Variants in ZBED6 observed in about 807,000 individuals in gnomAD.
ZBED6 encodes zinc finger BED-type containing 6.
Under a neutral mutation model 58.4 loss-of-function variants are expected in ZBED6, and 40 were observed. The ratio of observed to expected loss-of-function variants is 0.68; its 90% CI spans 0.53 to 0.89. The LOEUF (loss-of-function observed/expected upper bound fraction) is 0.89. Among genes scored for constraint, ZBED6 ranks in the 40% least tolerant of loss-of-function variants. The pLI, the probability that ZBED6 is intolerant of heterozygous loss-of-function variation, is 0.00. For missense variants in ZBED6, 1,057 were observed against 1,003.9 expected (o/e 1.05, Z -0.71); for synonymous variants, 439 against 350.6 (o/e 1.25, Z -2.82).
chr1:203,821,430 T>G (rs1217039300), intron 3 of ZBED6, among the ~76,000 whole-genome samples: 1 of 152,204 alleles, frequency 6.6e-6, no homozygotes, highest in East Asian at 1.9e-4. Flanking sequence ...CTATCATTAC[T>G]TTTATGCTCC....
intron 1 of ZBED6, among the ~76,000 whole-genome samples, chr1:203,807,285 A>T (rs1294726738): frequency 1.3e-5 from 2 of 152,132 alleles, no homozygotes; most frequent in East Asian, 1.9e-4. Flanking sequence ...CATTTTTAAA[A>T]TTTTTATTTA....
At chr1:203,812,039 A>G (rs1261654690) in intron 1 of ZBED6, among the ~76,000 whole-genome samples, 1 of 151,974 alleles carries the variant, frequency 6.6e-6, no homozygotes. Context: ...CTGGTCTTGA[A>G]CTACTGACCT....
rs61108073 is a variant in ZBED6 at position 203,825,076 on chromosome 1, C to CAAA, written c.*2874-3206_*2874-3204dup. The stretch of plus-strand genomic sequence containing the variant: ...TGGGCAACAGAGCGAGACTCCGTCT[C>CAAA]AAAAAAAAAAAAAAAAAAAGAAAAT... On this transcript the variant is annotated intron_variant, in intron 3 of 16. Transcript: ENST00000550078. Among the ~76,000 whole-genome samples the CAAA allele has an allele frequency of 3.1e-4, 34 of 108,788 alleles. No homozygotes were observed. The South Asian group carries it at 4.8e-3, about 15-fold the overall frequency. The allele number at this position is 108,788 out of a possible 152,430, so 71.4% of individuals were successfully genotyped here.
intron 3 of ZBED6, among the ~76,000 whole-genome samples, chr1:203,826,026 G>T: frequency 6.6e-6 from 1 of 152,134 alleles, no homozygotes; most frequent in Admixed American, 6.5e-5. Flanking sequence ...TTTGAAAATT[G>T]CTTCCAGGAA....
chr1:203,805,414 A>G (rs2102507137), intron 1 of ZBED6, among the ~76,000 whole-genome samples: 1 of 152,260 alleles, frequency 6.6e-6, no homozygotes, highest in African/African-American at 2.4e-5. Context: ...TACAGGTGTG[A>G]GCCACCGCGC....
intron 8 of ZBED6, 102 bp from the exon 9 acceptor site, chr1:203,833,689 G>A: frequency 1.3e-6 from 1 of 798,456 alleles, no homozygotes; most frequent in Non-Finnish European, 1.8e-6. Flanking sequence ...GACTTTCTGG[G>A]TGGATTTACA....
At chr1:203,846,160 T>TTGG (rs1553270782) in intron 11 of ZBED6, among the ~76,000 whole-genome samples, 182 of 132,044 alleles carry the variant, frequency 1.4e-3, no homozygotes, top group African/African-American at 4.8e-3. Flanking sequence ...ATAATTTTTT[T>TTGG]GGGGGGGGGG....
At chr1:203,806,406 A>G (rs1571949547) in intron 1 of ZBED6, 1 of 183,132 alleles carries the variant, frequency 5.5e-6, no homozygotes, top group Non-Finnish European at 1.1e-5. Flanking sequence ...GGTTCAAGCG[A>G]TTCTCCTGCC....
chr1:203,829,748 A>G (rs1476885722), intron 5 of ZBED6, 32 bp from the exon 6 acceptor site: 1 of 1,612,842 alleles, frequency 6.2e-7, no homozygotes, highest in Admixed American at 1.7e-5. Flanking sequence ...CGTATTTTTA[A>G]TTGTGAATTT....
chr1:203,797,978 C>T (rs943598896), exon 1 of ZBED6: 1 of 1,534,982 alleles, frequency 6.5e-7, no homozygotes, highest in African/African-American at 1.4e-5. Flanking sequence ...CCATTTGTAA[C>T]CTCTGTGAGA....
chr1:203,831,900 A>G (rs2103044772), intron 8 of ZBED6, 129 bp downstream of exon 8: 1 of 698,726 alleles, frequency 1.4e-6, no homozygotes, highest in East Asian at 2.7e-5. Flanking sequence ...GAGATAATCT[A>G]AAGATGAAAA....
At chr1:203,809,172 G>GTTTTTTT (rs33926996) in intron 1 of ZBED6, among the ~76,000 whole-genome samples, 33 of 83,254 alleles carry the variant, frequency 4.0e-4, no homozygotes, top group East Asian at 1.6e-3. Context: ...TCTTCTCACT[G>GTTTTTTT]TTTTTTTTTT....
intron 1 of ZBED6, among the ~76,000 whole-genome samples, chr1:203,815,219 T>TTCTTTTC (rs575430164): frequency 0.099 from 12,872 of 129,542 alleles, 970 homozygotes; most frequent in Non-Finnish European, 0.15. Context: ...TTCTTTTCTT[T>TTCTTTTC]TTTTTTTTTT....
At chr1:203,797,875 A>G in exon 1 of ZBED6, 2 of 1,536,138 alleles carry the variant, frequency 1.3e-6, no homozygotes, top group Non-Finnish European at 1.7e-6. Flanking sequence ...TTTGAGAGCA[A>G]TATAGAAAAA....
intron 11 of ZBED6, among the ~76,000 whole-genome samples, chr1:203,841,214 G>T (rs988703859): frequency 9.3e-5 from 14 of 150,922 alleles, no homozygotes; most frequent in African/African-American, 2.9e-4. Context: ...AGGGGGATTG[G>T]CAGGGTCATA....
At chr1:203,798,043 G>A (rs917413685) in exon 1 of ZBED6, 11 of 1,534,946 alleles carry the variant, frequency 7.2e-6, no homozygotes, top group African/African-American at 1.4e-5. Flanking sequence ...ACTCTTCAAC[G>A]ACATCTGCAA....
At position 203,832,825 on chromosome 1, in the gene ZBED6, G is replaced by A. The variant is rs554763556; in HGVS notation, c.*3511-966G>A. Among the ~76,000 whole-genome samples the A allele has an allele frequency of 6.5e-4, 99 of 152,352 alleles. 1 individual carries two copies. Among genetic ancestry groups the A allele is most frequent in the African/African-American group, 2.2e-3 (93 of 41,572 alleles). ...GTTATATTGGACAGTTAACATCGGA[G>A]TAGAGTACAGTTTCATTCAACATAT... On this transcript the variant is annotated intron_variant, in intron 8 of 16. Transcript: ENST00000550078.
intron 8 of ZBED6, 91 bp from the exon 9 acceptor site, chr1:203,833,700 C>T (rs999956395): frequency 2.3e-6 from 2 of 886,994 alleles, no homozygotes; most frequent in Non-Finnish European, 3.0e-6. Context: ...TGGATTTACA[C>T]TAATATCAGA....
In ZBED6 at chr1:203,833,772, T is replaced by A. The variant is rs1439473849; in HGVS notation, c.*3511-19T>A. The A allele has an allele frequency of 6.2e-7, 1 of 1,602,888 alleles. No individual in the cohort carries two copies. The highest frequency in any genetic ancestry group is 8.5e-7 in the Non-Finnish European group (1 of 1,175,840). ...AAAAATTGACTAAGGATAGAGAAAT[T>A]CTGCTTTTGCCATTTCAGGAGAAGA... On this transcript the variant is annotated intron_variant, in intron 8 of 16. Coordinates refer to ENST00000550078, the Ensembl canonical transcript of ZBED6.
Sources: gnomAD v4.1 joint callset for allele counts (sites outside exome capture counted in the v4.1 genomes callset) on GRCh38, gnomAD v4.1.1 for gene constraint, MANE v1.5 for transcripts, NCBI Gene and HGNC (gene_info 2026-07-23, HGNC 2026-07-21) for gene names.